TAFA1: variants seen among roughly 807,000 people sequenced by gnomAD.
The protein encoded by TAFA1 is chemokine-like protein TAFA-1.
Under a neutral mutation model 18.5 loss-of-function variants are expected in TAFA1, and 4 were observed. That is an observed-to-expected ratio of 0.22 (90% CI 0.11 to 0.49). The LOEUF (loss-of-function observed/expected upper bound fraction) is 0.49, where lower values mean the gene tolerates loss of function less well. Among genes scored for constraint, TAFA1 ranks in the 20% least tolerant of loss-of-function variants. TAFA1 has a pLI of 0.98. For missense variants in TAFA1, 147 were observed against 169.0 expected (o/e 0.87, Z 0.72); for synonymous variants, 56 against 55.2 (o/e 1.01, Z -0.06).
chr3:68,106,415 T>C (rs2065205581), intron 2 of TAFA1, among the ~76,000 whole-genome samples: 1 of 152,246 alleles, frequency 6.6e-6, no homozygotes, highest in Admixed American at 6.5e-5. Context: ...GAACTAAAGT[T>C]TTAATTTAAT....
intron 2 of TAFA1, among the ~76,000 whole-genome samples, chr3:68,290,784 A>G (rs2068090983): frequency 6.6e-6 from 1 of 152,140 alleles, no homozygotes; most frequent in Non-Finnish European, 1.5e-5. Context: ...TTAACTATTA[A>G]TTTATAACCT....
intron 2 of TAFA1, among the ~76,000 whole-genome samples, chr3:68,197,091 A>G (rs2066419300): frequency 6.6e-6 from 1 of 151,760 alleles, no homozygotes; most frequent in African/African-American, 2.4e-5. Flanking sequence ...GAAGGCCTAG[A>G]ATCATGCTTT....
chr3:68,174,785 A>G (rs1320418929), intron 2 of TAFA1, among the ~76,000 whole-genome samples: 1 of 152,264 alleles, frequency 6.6e-6, no homozygotes, highest in African/African-American at 2.4e-5. Context: ...AGCCTGCTGC[A>G]GAAATTTGCA....
intron 2 of TAFA1, among the ~76,000 whole-genome samples, chr3:68,304,315 G>T (rs2068366910): frequency 6.6e-6 from 1 of 152,022 alleles, no homozygotes; most frequent in African/African-American, 2.4e-5. Flanking sequence ...AAACAAATTT[G>T]TAAAGTAAGT....
At chr3:68,505,403 G>C (rs1355186495) in intron 3 of TAFA1, among the ~76,000 whole-genome samples, 2 of 152,070 alleles carry the variant, frequency 1.3e-5, no homozygotes, top group Non-Finnish European at 2.9e-5. Flanking sequence ...ATTCATCTCT[G>C]TTACTTTGTA....
chr3:68,021,141 G>A (rs143604033), intron 2 of TAFA1, among the ~76,000 whole-genome samples: 7 of 126,704 alleles, frequency 5.5e-5, no homozygotes, highest in Admixed American at 3.1e-4. Flanking sequence ...AGCCAAGATC[G>A]TGCCACTGCA....
chr3:68,362,797 A>G (rs1377747624), intron 2 of TAFA1, among the ~76,000 whole-genome samples: 1 of 152,086 alleles, frequency 6.6e-6, no homozygotes, highest in Non-Finnish European at 1.5e-5. Context: ...GAAAGAGATG[A>G]TACGGTAGGT....
intron 3 of TAFA1, among the ~76,000 whole-genome samples, chr3:68,475,644 G>A (rs2072078824): frequency 6.6e-6 from 1 of 152,164 alleles, no homozygotes; most frequent in Non-Finnish European, 1.5e-5. Context: ...CTTTATAGCA[G>A]CATGATTTAT....
intron 2 of TAFA1, among the ~76,000 whole-genome samples, chr3:68,331,856 C>CTTTTTTTGT (rs2068878529): frequency 1.3e-5 from 1 of 76,198 alleles, no homozygotes; most frequent in African/African-American, 5.4e-5. Context: ...CTTTTCTTTT[C>CTTTTTTTGT]TTTTTTTTTT....
intron 3 of TAFA1, among the ~76,000 whole-genome samples, chr3:68,503,822 G>A (rs535091727): frequency 6.6e-6 from 1 of 152,072 alleles, no homozygotes; most frequent in South Asian, 2.1e-4. Flanking sequence ...TAATGGAACA[G>A]CATTCATAGA....
intron 2 of TAFA1, among the ~76,000 whole-genome samples, chr3:68,297,306 A>G (rs2068225205): frequency 6.6e-6 from 1 of 152,210 alleles, no homozygotes; most frequent in African/African-American, 2.4e-5. Flanking sequence ...GCATTAAAGC[A>G]TCACTAGCCT....
chr3:68,104,625 G>A (rs2065185062), intron 2 of TAFA1, among the ~76,000 whole-genome samples: 1 of 152,002 alleles, frequency 6.6e-6, no homozygotes, highest in Admixed American at 6.6e-5. Context: ...TAGCCTAGAA[G>A]CCAACTCTGG....
intron 2 of TAFA1, among the ~76,000 whole-genome samples, chr3:68,334,287 A>G (rs1350145802): frequency 6.6e-6 from 1 of 152,184 alleles, no homozygotes; most frequent in East Asian, 1.9e-4. Flanking sequence ...TCATTCTTCA[A>G]GATAGGAACA....
chr3:68,327,735 T>G (rs887157281), intron 2 of TAFA1, among the ~76,000 whole-genome samples: 3 of 152,222 alleles, frequency 2.0e-5, no homozygotes, highest in Admixed American at 2.0e-4. Context: ...TTATTCATAA[T>G]CAATTAACAT....
chr3:68,270,726 T>G (rs1423425942), intron 2 of TAFA1, among the ~76,000 whole-genome samples: 2 of 152,138 alleles, frequency 1.3e-5, no homozygotes, highest in African/African-American at 2.4e-5. Context: ...GAAGGTCAAA[T>G]ATAACTTCAT....
chr3:68,403,902 C>T (rs1407841903), intron 2 of TAFA1, among the ~76,000 whole-genome samples: 1 of 152,166 alleles, frequency 6.6e-6, no homozygotes, highest in East Asian at 1.9e-4. Context: ...CAGTCAATGC[C>T]TCCTCCTCCC....
At chr3:68,002,859 T>G (rs1704299260), upstream of TAFA1, among the ~76,000 whole-genome samples, 1 of 152,192 alleles carries the variant, frequency 6.6e-6, no homozygotes, top group Non-Finnish European at 1.5e-5. Flanking sequence ...ACTTATCTTG[T>G]GGGGTTGGTA....
rs199704424 is a variant in TAFA1 at position 68,378,853 on chromosome 3, CTT to C, written c.119-38426_119-38425del. Among the ~76,000 whole-genome samples, 1,488 of 152,238 alleles carry C rather than the reference CTT, an allele frequency of 9.8e-3. 25 individuals carry two copies. The highest frequency in any genetic ancestry group is 0.034 in the African/African-American group (1,427 of 41,540). The stretch of plus-strand genomic sequence containing the variant: ...TCCTCTTTCACACACTCCTCTCTCT[CTT>C]GCCACCATGTGAAGAAGGTCCTTGC... On this transcript the variant is annotated intron_variant, in intron 2 of 4. Transcript: ENST00000478136.
chr3:68,275,263 T>G (rs2107241821), intron 2 of TAFA1, among the ~76,000 whole-genome samples: 1 of 152,076 alleles, frequency 6.6e-6, no homozygotes, highest in Non-Finnish European at 1.5e-5. Context: ...ATAAGTAATG[T>G]TGGGGAGAAA....
Sources: gnomAD v4.1 joint callset for allele counts (sites outside exome capture counted in the v4.1 genomes callset) on GRCh38, gnomAD v4.1.1 for gene constraint, MANE v1.5 for transcripts, NCBI Gene and HGNC (gene_info 2026-07-23, HGNC 2026-07-21) for gene names.